The following POLR3B variants were observed in gnomAD, a reference collection of about 807,000 sequenced individuals.
The protein encoded by POLR3B is DNA-directed RNA polymerase III subunit RPC2.
POLR3B carries 96 observed loss-of-function variants against 147.4 expected under a neutral mutation model. The ratio of observed to expected loss-of-function variants is 0.65; its 90% CI spans 0.55 to 0.77. The LOEUF (loss-of-function observed/expected upper bound fraction) is 0.77. Among genes scored for constraint, POLR3B ranks in the 30% least tolerant of loss-of-function variants. The pLI is 0.00. For synonymous variants in POLR3B, 461 were observed against 485.9 expected, an observed-to-expected ratio of 0.95 and a Z score of 0.67; for missense variants, 1,036 against 1,413.5, an observed-to-expected ratio of 0.73 and a Z score of 4.28.
At chr12:106,498,047 T>C (rs1319578367) in intron 25 of POLR3B, among the ~76,000 whole-genome samples, 1 of 152,098 alleles carries the variant, frequency 6.6e-6, no homozygotes, top group Non-Finnish European at 1.5e-5. Flanking sequence ...TAAACATTTA[T>C]TGAAAAAAGG....
intron 9 of POLR3B, among the ~76,000 whole-genome samples, chr12:106,391,620 G>A (rs2036915604): frequency 2.6e-5 from 4 of 152,196 alleles, no homozygotes; most frequent in Admixed American, 2.6e-4. Context: ...ATAGCATTTT[G>A]AGCTGGAAGG....
chr12:106,477,891 C>CCTTTTTTTT (rs1565909279), intron 23 of POLR3B, among the ~76,000 whole-genome samples: 1 of 70,548 alleles, frequency 1.4e-5, no homozygotes, highest in African/African-American at 5.5e-5. Context: ...GGCTCCTCCC[C>CCTTTTTTTT]TTTTTTTTTT....
chr12:106,439,072 A>G (rs987454012), intron 18 of POLR3B, among the ~76,000 whole-genome samples: 6 of 152,206 alleles, frequency 3.9e-5, no homozygotes, highest in African/African-American at 1.4e-4. Context: ...TATGTCTTCA[A>G]TCAAGAATAA....
At chr12:106,359,641 T>G (rs1269790602) in intron 1 of POLR3B, among the ~76,000 whole-genome samples, 1 of 152,202 alleles carries the variant, frequency 6.6e-6, no homozygotes, top group African/African-American at 2.4e-5. Flanking sequence ...AAAACTGTAT[T>G]TTAACCGTGA....
At chr12:106,488,449 T>G (rs903948503) in intron 23 of POLR3B, among the ~76,000 whole-genome samples, 2 of 152,230 alleles carry the variant, frequency 1.3e-5, no homozygotes, top group African/African-American at 4.8e-5. Flanking sequence ...TAGTTTTGTT[T>G]TAAATTCATT....
rs186724399 is a variant in POLR3B at position 106,489,137 on chromosome 12, A to G, written c.2714-6918A>G. Among the ~76,000 whole-genome samples the G allele has an allele frequency of 9.2e-4, 140 of 152,308 alleles. 1 individual carries two copies. Among genetic ancestry groups the G allele is most frequent in the African/African-American group, 3.2e-3 (135 of 41,568 alleles). On this transcript the variant is annotated intron_variant, in intron 23 of 27. Transcript: ENST00000228347. Reference sequence around the variant, plus strand: ...GGCAGCAATACCAAGCAGTACTCCTAAGGAGAGGAAAAACTGTATTTGAGC... The same window carrying G: ...GGCAGCAATACCAAGCAGTACTCCTGAGGAGAGGAAAAACTGTATTTGAGC...
intron 21 of POLR3B, among the ~76,000 whole-genome samples, chr12:106,458,806 A>C (rs2037897085): frequency 6.6e-6 from 1 of 152,228 alleles, no homozygotes; most frequent in South Asian, 2.1e-4. Flanking sequence ...GATACAAAGC[A>C]AAAATGGGAA....
intron 22 of POLR3B, among the ~76,000 whole-genome samples, chr12:106,463,207 A>G (rs2037963509): frequency 2.0e-5 from 3 of 152,198 alleles, no homozygotes; most frequent in Non-Finnish European, 4.4e-5. Context: ...TCTAAGCATC[A>G]GTTTTCCTCA....
At chr12:106,360,851 C>T (rs1270473057) in intron 1 of POLR3B, among the ~76,000 whole-genome samples, 4 of 152,080 alleles carry the variant, frequency 2.6e-5, no homozygotes, top group Non-Finnish European at 5.9e-5. Flanking sequence ...TAGAGAGAGA[C>T]GTGTAAGCAA....
intron 9 of POLR3B, among the ~76,000 whole-genome samples, chr12:106,388,075 C>G (rs972126875): frequency 6.6e-6 from 1 of 152,144 alleles, no homozygotes; most frequent in Non-Finnish European, 1.5e-5. Context: ...GCAGGGTTTC[C>G]AGATTCCATG....
At chr12:106,481,347 A>G (rs964509394) in intron 23 of POLR3B, among the ~76,000 whole-genome samples, 1 of 152,240 alleles carries the variant, frequency 6.6e-6, no homozygotes, top group Non-Finnish European at 1.5e-5. Flanking sequence ...AAGGGATCAG[A>G]GTCTGGACAC....
Position 106,442,146 on chromosome 12 carries a change from A to G in POLR3B, c.1956-2317A>G, listed in dbSNP as rs147528026. On this transcript the variant is annotated intron_variant, in intron 18 of 27. Transcript: ENST00000228347. ...TTCCTGTTCAGTTTCTAAACTGATGATTTTAAAGAGAATAATTTTTTTTTT... is the reference window on the plus strand; with the variant it reads ...TTCCTGTTCAGTTTCTAAACTGATGGTTTTAAAGAGAATAATTTTTTTTTT... Among the ~76,000 whole-genome samples, 163 of 151,368 alleles carry G rather than the reference A, an allele frequency of 1.1e-3. 2 individuals are homozygous for G. The highest frequency in any genetic ancestry group is 3.8e-3 in the African/African-American group (159 of 41,308).
intron 10 of POLR3B, 42 bp from the exon 11 acceptor site, chr12:106,405,815 C>T: frequency 6.2e-7 from 1 of 1,602,094 alleles, no homozygotes; most frequent in Non-Finnish European, 8.5e-7. Context: ...AAACTACCTC[C>T]AGTGATGTCA....
Position 106,427,315 on chromosome 12 carries a change from G to A in POLR3B, c.1220G>A (p.Arg407His). 1 of 1,613,364 alleles carries A rather than the reference G, an allele frequency of 6.2e-7. No individual in the cohort carries two copies. The highest frequency in any genetic ancestry group is 8.5e-7 in the Non-Finnish European group (1 of 1,179,706). ...AAQFDVVKHM[R>H]QDQITNGMVN... Reference sequence around the variant, plus strand: ...CAGTTTGATGTTGTCAAACACATGCGCCAAGACCAGATCACCAATGGCATG... The same window carrying A: ...CAGTTTGATGTTGTCAAACACATGCACCAAGACCAGATCACCAATGGCATG... The change falls in exon 13 of 28, where the codon CGC (arginine) becomes CAC (histidine). Residue 407 changes from arginine to histidine, a missense_variant. By Grantham distance (29) the Arg-to-His change is conservative (BLOSUM62 0). Transcript: ENST00000228347.
chr12:106,377,461 G>A (rs919929385), intron 7 of POLR3B, among the ~76,000 whole-genome samples: 1 of 152,146 alleles, frequency 6.6e-6, no homozygotes, highest in African/African-American at 2.4e-5. Context: ...ATAAAATGAA[G>A]TATTACTTTA....
At chr12:106,498,576 G>A (rs556883415) in intron 25 of POLR3B, among the ~76,000 whole-genome samples, 59 of 149,560 alleles carry the variant, frequency 3.9e-4, no homozygotes, top group Non-Finnish European at 5.5e-4. Context: ...TTGTTTTTTG[G>A]GGTTTGTTTT....
In POLR3B at chr12:106,430,309, C is replaced by A. The variant is rs1325867649; in HGVS notation, c.1300C>A (p.Gln434Lys). Reference sequence around the variant, plus strand: ...TTTAAAGAGATTTAAAATGGACCGCCAGGGTGTAACCCAAGTGCTGTCTCG... The same window carrying A: ...TTTAAAGAGATTTAAAATGGACCGCAAGGGTGTAACCCAAGTGCTGTCTCG... Reference protein sequence around the residue: ...WSLKRFKMDRQGVTQVLSRLS... With the variant: ...WSLKRFKMDRKGVTQVLSRLS... Residue 434 changes from glutamine (Q) to lysine (K), a missense_variant, in exon 14 of 28, where the codon CAG (glutamine) becomes AAG (lysine). Physicochemically the swap from Gln to Lys is moderately conservative, Grantham distance 53. This residue lies in a region of POLR3B where 89 missense variants were observed against 110.9 expected (regional missense o/e 0.80). Transcript: ENST00000228347. 1 of 1,614,076 alleles carries A rather than the reference C, an allele frequency of 6.2e-7. No homozygotes were observed. Among genetic ancestry groups the A allele is most frequent in the African/African-American group, 1.3e-5 (1 of 75,042 alleles).
chr12:106,403,657 G>GT (rs2037104728), intron 10 of POLR3B, among the ~76,000 whole-genome samples: 1 of 152,112 alleles, frequency 6.6e-6, no homozygotes, highest in Non-Finnish European at 1.5e-5. Flanking sequence ...CATGTCCTTT[G>GT]TAGGGACATG....
At position 106,378,341 on chromosome 12, in the gene POLR3B, G is replaced by T. The variant is rs545766074; in HGVS notation, c.571G>T (p.Val191Leu). The T allele has an allele frequency of 6.2e-7, 1 of 1,613,798 alleles. No homozygotes were observed. Among genetic ancestry groups the T allele is most frequent in the South Asian group, 1.1e-5 (1 of 91,080 alleles). ...GCAGCTGTCTAAGAACAGGATCATCGTGGAGGCTGATAGAAAAGGGGCTGT... is the reference window on the plus strand; with the variant it reads ...GCAGCTGTCTAAGAACAGGATCATCTTGGAGGCTGATAGAAAAGGGGCTGT... ...QEQLSKNRII[V>L]EADRKGAVGA... The change falls in exon 8 of 28, where the codon GTG (valine) becomes TTG (leucine). Residue 191 changes from valine (V) to leucine (L), a missense_variant. By Grantham distance (32) the Val-to-Leu change is conservative (BLOSUM62 1). Coordinates refer to ENST00000228347, the MANE Select transcript of POLR3B (RefSeq NM_018082.6).
Sources: gnomAD v4.1 joint callset for allele counts (sites outside exome capture counted in the v4.1 genomes callset) on GRCh38, gnomAD v4.1.1 for gene constraint, gnomAD v4.1.1 regional missense constraint, MANE v1.5 for transcripts, NCBI Gene and HGNC (gene_info 2026-07-23, HGNC 2026-07-21) for gene names.